TTC21B: variants seen among roughly 807,000 people sequenced by gnomAD.
TTC21B encodes tetratricopeptide repeat protein 21B.
In TTC21B, 127 loss-of-function variants were observed where a neutral mutation model predicts 175.1. The ratio of observed to expected loss-of-function variants is 0.73; its 90% CI spans 0.63 to 0.84. TTC21B has a LOEUF of 0.84. TTC21B is among the 40% of genes least tolerant of loss of function. TTC21B has a pLI of 0.00. For missense variants in TTC21B, 1,561 were observed against 1,558.3 expected (o/e 1.00, Z -0.03); for synonymous variants, 524 against 524.5 (o/e 1.00, Z 0.01).
chr2:165,877,023 C>G (rs192903648), intron 27 of TTC21B, among the ~76,000 whole-genome samples: 110 of 152,256 alleles, frequency 7.2e-4, no homozygotes, highest in Middle Eastern at 3.4e-3. Flanking sequence ...CTTCTACTAT[C>G]AACAATTAGA....
intron 22 of TTC21B, among the ~76,000 whole-genome samples, chr2:165,892,501 T>C (rs546801991): frequency 6.6e-6 from 1 of 152,148 alleles, no homozygotes; most frequent in Admixed American, 6.6e-5. Context: ...AAATGTAGTA[T>C]GTACATATAA....
chr2:165,908,508 CA>C (rs1685820396), intron 18 of TTC21B, among the ~76,000 whole-genome samples: 2 of 152,214 alleles, frequency 1.3e-5, no homozygotes, highest in South Asian at 4.1e-4. Context: ...AGATAATTAA[CA>C]AAAATGTTTC....
rs536448580 is a variant in TTC21B at position 165,880,980 on chromosome 2, G to C, written c.3685-181C>G. ...ACTTAATAAATGATTCTGATGGCAA[G>C]TCTCCATCACATATCTGCAGAATCA... On this transcript the variant is annotated intron_variant, in intron 26 of 28. Coordinates refer to ENST00000243344, the MANE Select transcript of TTC21B (RefSeq NM_024753.5). Among the ~76,000 whole-genome samples, 7 of 152,246 alleles carry C rather than the reference G, an allele frequency of 4.6e-5. No homozygotes were observed. The South Asian group carries it at 1.2e-3, about 27-fold the overall frequency.
At chr2:165,878,844 G>T (rs1313846474) in intron 27 of TTC21B, among the ~76,000 whole-genome samples, 1 of 151,892 alleles carries the variant, frequency 6.6e-6, no homozygotes, top group African/African-American at 2.4e-5. Flanking sequence ...ACCATGCCCG[G>T]CTAATTTTTG....
chr2:165,889,508 T>A (rs1685119139), intron 24 of TTC21B, among the ~76,000 whole-genome samples: 1 of 152,062 alleles, frequency 6.6e-6, no homozygotes, highest in African/African-American at 2.4e-5. Flanking sequence ...CTTTCTGAGT[T>A]TTAGTTTTGT....
chr2:165,887,545 G>A (rs1685045899), intron 25 of TTC21B, among the ~76,000 whole-genome samples: 1 of 151,954 alleles, frequency 6.6e-6, no homozygotes, highest in African/African-American at 2.4e-5. Flanking sequence ...AAAATAGCCA[G>A]GCATGGTGGC....
intron 12 of TTC21B, among the ~76,000 whole-genome samples, chr2:165,920,329 T>C (rs1250559996): frequency 1.3e-5 from 2 of 152,156 alleles, no homozygotes; most frequent in Non-Finnish European, 2.9e-5. Context: ...AACTTACTGG[T>C]AACAGACATG....
intron 22 of TTC21B, among the ~76,000 whole-genome samples, chr2:165,892,327 G>A (rs1162924590): frequency 1.3e-5 from 2 of 152,104 alleles, no homozygotes; most frequent in Non-Finnish European, 2.9e-5. Context: ...TTTGAAAAGA[G>A]ATGACACCAT....
intron 24 of TTC21B, among the ~76,000 whole-genome samples, chr2:165,888,976 A>G (rs1674177087): frequency 6.6e-6 from 1 of 152,208 alleles, no homozygotes; most frequent in Non-Finnish European, 1.5e-5. Context: ...TAGGACCTGA[A>G]TCTAAGCTTA....
intron 17 of TTC21B, among the ~76,000 whole-genome samples, 184 bp downstream of exon 17, chr2:165,912,330 C>A (rs1218157052): frequency 6.6e-6 from 1 of 152,102 alleles, no homozygotes; most frequent in African/African-American, 2.4e-5. Context: ...AAATAATCAC[C>A]ACGAAATGAA....
chr2:165,910,371 C>A (rs1422188507), intron 18 of TTC21B, among the ~76,000 whole-genome samples: 2 of 151,654 alleles, frequency 1.3e-5, no homozygotes, highest in Non-Finnish European at 2.9e-5. Context: ...CCATTGCACT[C>A]CAGCCTGGGC....
In TTC21B at chr2:165,909,919, G is replaced by A. The variant is rs192853948; in HGVS notation, c.2461+1408C>T. ...TTATAGGTGTACTATAATCCATTTA[G>A]ATAGTAAAAAGTGGTAGGTATAATA... On this transcript the variant is annotated intron_variant, in intron 18 of 28. Transcript: ENST00000243344. 8.1e-3 allele frequency among the ~76,000 whole-genome samples: 1,238 copies of A among 152,244 alleles called. 10 individuals are homozygous for A. Among genetic ancestry groups the A allele is most frequent in the Middle Eastern group, 0.071 (21 of 294 alleles).
chr2:165,917,563 G>C (rs1168836382), intron 13 of TTC21B, 82 bp from the exon 14 acceptor site: 1 of 1,089,994 alleles, frequency 9.2e-7, no homozygotes, highest in Non-Finnish European at 1.4e-6. Flanking sequence ...TTAAAATAAT[G>C]AGATCACTGA....
intron 21 of TTC21B, among the ~76,000 whole-genome samples, chr2:165,898,968 T>G (rs182949065): frequency 6.6e-6 from 1 of 152,314 alleles, no homozygotes; most frequent in East Asian, 1.9e-4. Flanking sequence ...TAATCAAGGA[T>G]GTGAAACAGA....
At chr2:165,876,860 A>G (rs1416585457) in intron 27 of TTC21B, among the ~76,000 whole-genome samples, 1 of 152,208 alleles carries the variant, frequency 6.6e-6, no homozygotes, top group Non-Finnish European at 1.5e-5. Context: ...AGGAAACTGC[A>G]TGGATTAAGG....
rs540048216 is a variant in TTC21B, at chr2:165,944,364, T to C, written c.430-1023A>G. Among the ~76,000 whole-genome samples the C allele has an allele frequency of 4.6e-5, 7 of 152,258 alleles. No individual in the cohort carries two copies. The East Asian group carries it at 1.4e-3, about 29-fold the overall frequency. On this transcript the variant is annotated intron_variant, in intron 4 of 28. Transcript: ENST00000243344. ...AACTGGTCTCTAATTTTTTTAGGCT[T>C]AAGGCCTCAAAGACATCCTAATACG...
At chr2:165,889,046 TTA>T (rs1685100898) in intron 24 of TTC21B, among the ~76,000 whole-genome samples, 2 of 152,192 alleles carry the variant, frequency 1.3e-5, no homozygotes, top group East Asian at 1.9e-4. Flanking sequence ...CTCTCAGAAA[TTA>T]TATATGTGTC....
At chr2:165,893,169 T>C (rs1006764737) in intron 22 of TTC21B, among the ~76,000 whole-genome samples, 2 of 152,120 alleles carry the variant, frequency 1.3e-5, no homozygotes, top group African/African-American at 4.8e-5. Flanking sequence ...TTTCTTAAAA[T>C]AGGATTATAA....
At chr2:165,925,252 A>C (rs1414370511) in intron 11 of TTC21B, among the ~76,000 whole-genome samples, 2 of 152,168 alleles carry the variant, frequency 1.3e-5, no homozygotes, top group Non-Finnish European at 2.9e-5. Flanking sequence ...TTAGACCCTC[A>C]AAGTTTTCCT....
Sources: gnomAD v4.1 joint callset for allele counts (sites outside exome capture counted in the v4.1 genomes callset) on GRCh38, gnomAD v4.1.1 for gene constraint, MANE v1.5 for transcripts, NCBI Gene and HGNC (gene_info 2026-07-23, HGNC 2026-07-21) for gene names.